The following PSTPIP2 variants were observed in gnomAD, a reference collection of about 807,000 sequenced individuals.
PSTPIP2 encodes the protein proline-serine-threonine phosphatase-interacting protein 2.
In PSTPIP2, 33 loss-of-function variants were observed where a neutral mutation model predicts 63.3. That is an observed-to-expected ratio of 0.52 (90% CI 0.40 to 0.70). PSTPIP2 has a LOEUF of 0.70. Ranked by LOEUF, PSTPIP2 falls within the 30% of genes least tolerant of loss-of-function variation. The probability of loss-of-function intolerance (pLI) is 0.00; values close to 1 mark genes in which losing one functional copy is unlikely to be tolerated. For missense variants in PSTPIP2, 312 were observed against 400.7 expected (o/e 0.78, Z 1.89); for synonymous variants, 125 against 132.7 (o/e 0.94, Z 0.40).
At chr18:45,993,824 G>T in intron 9 of PSTPIP2, 121 bp from the exon 10 acceptor site, 2 of 813,708 alleles carry the variant, frequency 2.5e-6, no homozygotes, top group Non-Finnish European at 4.1e-6. Context: ...GTCCAATTTA[G>T]AATGCTTCTC....
intron 2 of PSTPIP2, among the ~76,000 whole-genome samples, chr18:46,025,550 G>C (rs1007676431): frequency 6.6e-6 from 1 of 151,814 alleles, no homozygotes; most frequent in Non-Finnish European, 1.5e-5. Flanking sequence ...TCTATTATTT[G>C]CTGTTCTGTT....
rs147579921 is a variant in PSTPIP2 at position 46,031,164 on chromosome 18, A to G, written c.135-6478T>C. On this transcript the variant is annotated intron_variant, in intron 2 of 14. Coordinates refer to ENST00000409746, the MANE Select transcript of PSTPIP2 (RefSeq NM_024430.4). ...ATTTTCTACTTGGGATCAGTTATCC[A>G]CATGTTGGATTGGCTTTGTTCTTGA... Among the ~76,000 whole-genome samples, 1,011 of 152,214 alleles carry G rather than the reference A, an allele frequency of 6.6e-3. 5 individuals are homozygous for G. The highest frequency in any genetic ancestry group is 0.022 in the African/African-American group (905 of 41,510).
Position 46,015,884 on chromosome 18 carries a change from TAAA to T in PSTPIP2, c.247+16_247+18del, listed in dbSNP as rs11349070. 1.4e-5 allele frequency: 21 copies of T among 1,551,080 alleles called. No individual in the cohort carries two copies. The highest frequency in any genetic ancestry group is 3.5e-5 in the Admixed American group (2 of 57,742). On this transcript the variant is annotated intron_variant, in intron 4 of 14. Coordinates refer to ENST00000409746, the MANE Select transcript of PSTPIP2 (RefSeq NM_024430.4). ...TGTCAAGGGCAGTGAATACATTTTT[TAAA>T]AAAAAAATCACTTACGCTGCTTGAA... is the stretch of plus-strand genomic sequence containing the variant.
chr18:46,066,169 G>A (rs1016775325), intron 1 of PSTPIP2, among the ~76,000 whole-genome samples: 3 of 151,732 alleles, frequency 2.0e-5, no homozygotes, highest in Non-Finnish European at 4.4e-5. Context: ...GTGAAACAGC[G>A]TTTCTACAAA....
rs896382911 is a variant in PSTPIP2, at chr18:46,012,636, G to C, written c.248-1349C>G. Among the ~76,000 whole-genome samples, 11 of 152,242 alleles carry C rather than the reference G, an allele frequency of 7.2e-5. No homozygotes were observed. In the South Asian group the frequency reaches 2.1e-3, roughly 29 times the overall value. On this transcript the variant is annotated intron_variant, in intron 4 of 14. Coordinates refer to ENST00000409746, the MANE Select transcript of PSTPIP2 (RefSeq NM_024430.4). ...AAAATACAAAAAATTAGCCGGGCAT[G>C]GTGGTGGGCACCTGTAGTCCCAGCT...
At chr18:46,054,039 A>G (rs1278813448) in intron 1 of PSTPIP2, among the ~76,000 whole-genome samples, 4 of 152,328 alleles carry the variant, frequency 2.6e-5, no homozygotes, top group African/African-American at 9.6e-5. Flanking sequence ...GGTATGGCCT[A>G]TTGCTCCTAG....
chr18:46,062,996 A>C (rs542543032), intron 1 of PSTPIP2, among the ~76,000 whole-genome samples: 2 of 152,256 alleles, frequency 1.3e-5, no homozygotes, highest in Admixed American at 6.5e-5. Context: ...TTAAGCCCTC[A>C]TACTCAAAAG....
At chr18:45,999,286 GT>G in intron 7 of PSTPIP2, 149 bp downstream of exon 7, 1 of 720,818 alleles carries the variant, frequency 1.4e-6, no homozygotes, top group Non-Finnish European at 2.3e-6. Flanking sequence ...TGTGGCAGTG[GT>G]TTTTCAGGTT....
intron 1 of PSTPIP2, among the ~76,000 whole-genome samples, chr18:46,059,085 G>T (rs1178890328): frequency 6.6e-6 from 1 of 150,514 alleles, no homozygotes; most frequent in Admixed American, 6.6e-5. Context: ...CGCCCAGGCT[G>T]GAGTGCAATG....
At chr18:46,059,141 A>C (rs1908894673) in intron 1 of PSTPIP2, among the ~76,000 whole-genome samples, 1 of 150,812 alleles carries the variant, frequency 6.6e-6, no homozygotes, top group Non-Finnish European at 1.5e-5. Flanking sequence ...GGTTCAAGTG[A>C]TTCTTCTGCC....
At position 45,993,630 on chromosome 18, in the gene PSTPIP2, G is replaced by A. The variant is rs1418975838; in HGVS notation, c.716C>T (p.Ser239Leu). ...NALWLHVNQL[S>L]QQCVTSDEMY... The stretch of plus-strand genomic sequence containing the variant: ...TTCATCACTGGTGACACATTGTTGT[G>A]ACAGCTGATTCACATGTAACCACAA... Residue 239 changes from serine to leucine, a missense_variant, in exon 10 of 15, where the codon TCA becomes TTA. Coordinates refer to ENST00000409746, the MANE Select transcript of PSTPIP2 (RefSeq NM_024430.4). The A allele has an allele frequency of 6.2e-7, 1 of 1,614,082 alleles. No individual in the cohort carries two copies. Among genetic ancestry groups the A allele is most frequent in the Non-Finnish European group, 8.5e-7 (1 of 1,179,982 alleles).
intron 3 of PSTPIP2, among the ~76,000 whole-genome samples, chr18:46,020,408 A>T (rs532758690): frequency 6.6e-6 from 1 of 152,272 alleles, no homozygotes; most frequent in African/African-American, 2.4e-5. Context: ...TAATCCCAGC[A>T]CTTTGGGAGG....
intron 8 of PSTPIP2, among the ~76,000 whole-genome samples, chr18:45,998,029 C>G (rs2051621197): frequency 6.6e-6 from 1 of 152,044 alleles, no homozygotes; most frequent in African/African-American, 2.4e-5. Flanking sequence ...GAGGGTATCA[C>G]TTTCTTTTTA....
rs2051808773 is a variant in PSTPIP2, at chr18:46,012,443, A to G, written c.248-1156T>C. On this transcript the variant is annotated intron_variant, in intron 4 of 14. Coordinates refer to ENST00000409746, the MANE Select transcript of PSTPIP2 (RefSeq NM_024430.4). ...GAGATGTATAGTATAACAGCATAAAAACTCATTCACGTCTATATGCATATG... is the reference window on the plus strand; with the variant it reads ...GAGATGTATAGTATAACAGCATAAAGACTCATTCACGTCTATATGCATATG... 2.6e-5 allele frequency among the ~76,000 whole-genome samples: 4 copies of G among 152,180 alleles called. No homozygotes were observed. In the South Asian group the frequency reaches 8.3e-4, roughly 31 times the overall value.
intron 1 of PSTPIP2, among the ~76,000 whole-genome samples, chr18:46,071,790 C>T (rs1343911474): frequency 3.3e-5 from 5 of 152,248 alleles, no homozygotes; most frequent in Non-Finnish European, 4.4e-5. Context: ...CTCTGCTTCG[C>T]CTGTGAGAGG....
At chr18:46,016,107 T>C in intron 3 of PSTPIP2, 170 bp from the exon 4 acceptor site, 2 of 656,104 alleles carry the variant, frequency 3.0e-6, no homozygotes, top group South Asian at 4.0e-5. Context: ...TTAAGTCCAG[T>C]TTCCTCAATC....
At chr18:46,012,633 C>T (rs1238644185) in intron 4 of PSTPIP2, among the ~76,000 whole-genome samples, 2 of 152,002 alleles carry the variant, frequency 1.3e-5, no homozygotes, top group Admixed American at 6.6e-5. Context: ...ATTAGCCGGG[C>T]ATGGTGGTGG....
At chr18:46,051,603 G>T (rs950024115) in intron 1 of PSTPIP2, among the ~76,000 whole-genome samples, 2 of 152,134 alleles carry the variant, frequency 1.3e-5, no homozygotes, top group Admixed American at 6.5e-5. Context: ...AGAGTCAGTA[G>T]ATTTCAATGT....
intron 1 of PSTPIP2, among the ~76,000 whole-genome samples, chr18:46,070,453 C>T (rs1444284163): frequency 6.6e-6 from 1 of 152,240 alleles, no homozygotes. Flanking sequence ...CTGGCCTTAG[C>T]CTTGCCAGTG....
Sources: allele counts gnomAD v4.1 joint callset (sites outside exome capture counted in the v4.1 genomes callset), GRCh38; gene constraint gnomAD v4.1.1; transcripts MANE v1.5; gene names NCBI Gene and HGNC (gene_info 2026-07-23, HGNC 2026-07-21).